Variants in NCAM2 observed in about 807,000 individuals in gnomAD.
The protein encoded by NCAM2 is neural cell adhesion molecule 2, also known as N-CAM-2.
Under a neutral mutation model 98.1 loss-of-function variants are expected in NCAM2, and 30 were observed. The ratio of observed to expected loss-of-function variants is 0.31; its 90% CI spans 0.23 to 0.41. The LOEUF (loss-of-function observed/expected upper bound fraction) is 0.41. Ranked by LOEUF, NCAM2 falls within the 10% of genes least tolerant of loss-of-function variation. The pLI is 1.00. For missense variants in NCAM2, 867 were observed against 1,005.8 expected, an observed-to-expected ratio of 0.86 and a Z score of 1.87; for synonymous variants, 368 against 342.4, an observed-to-expected ratio of 1.07 and a Z score of -0.83.
intron 15 of NCAM2, among the ~76,000 whole-genome samples, chr21:21,495,992 G>GTA (rs1250538707): frequency 5.5e-5 from 8 of 144,164 alleles, no homozygotes; most frequent in African/African-American, 1.3e-4. Context: ...ATGTGTGTGT[G>GTA]TATATATATA....
chr21:21,336,242 C>T (rs1226876529), intron 7 of NCAM2, among the ~76,000 whole-genome samples: 1 of 152,036 alleles, frequency 6.6e-6, no homozygotes, highest in Non-Finnish European at 1.5e-5. Context: ...GTGGGTGCTT[C>T]TAATAGAATT....
chr21:21,208,675 G>T (rs1421585974), intron 1 of NCAM2, among the ~76,000 whole-genome samples: 1 of 151,946 alleles, frequency 6.6e-6, no homozygotes, highest in Admixed American at 6.6e-5. Flanking sequence ...GATTATTGTA[G>T]AGGAGACCTT....
At chr21:21,453,779 A>G (rs1981702276) in intron 12 of NCAM2, among the ~76,000 whole-genome samples, 1 of 152,040 alleles carries the variant, frequency 6.6e-6, no homozygotes, top group Admixed American at 6.6e-5. Context: ...CTATTTTTGA[A>G]ATTCTCATCT....
chr21:21,178,622 C>T (rs2068370928), intron 1 of NCAM2, among the ~76,000 whole-genome samples: 1 of 151,978 alleles, frequency 6.6e-6, no homozygotes, highest in African/African-American at 2.4e-5. Context: ...TTACTAACTT[C>T]ATAGTCCAAG....
At chr21:21,015,915 G>C (rs1420028353) in intron 1 of NCAM2, among the ~76,000 whole-genome samples, 1 of 151,982 alleles carries the variant, frequency 6.6e-6, no homozygotes, top group Non-Finnish European at 1.5e-5. Flanking sequence ...CACCATGTTG[G>C]CCAGCTGGTC....
intron 1 of NCAM2, among the ~76,000 whole-genome samples, chr21:21,239,841 G>A (rs1002000697): frequency 1.8e-4 from 27 of 151,870 alleles, no homozygotes; most frequent in African/African-American, 5.8e-4. Context: ...ATTGAGGTTG[G>A]GATTCTTTTA....
chr21:21,042,584 A>G (rs567586738), intron 1 of NCAM2, among the ~76,000 whole-genome samples: 1 of 152,190 alleles, frequency 6.6e-6, no homozygotes, highest in Non-Finnish European at 1.5e-5. Flanking sequence ...TTCTTTTCAG[A>G]TATCTTAAAT....
chr21:21,284,692 G>A (rs558410586), intron 3 of NCAM2, among the ~76,000 whole-genome samples: 4 of 151,432 alleles, frequency 2.6e-5, no homozygotes, highest in Admixed American at 1.3e-4. Flanking sequence ...TTATTTAGTG[G>A]TATGATATTT....
intron 5 of NCAM2, among the ~76,000 whole-genome samples, chr21:21,314,276 C>A (rs1376816522): frequency 1.3e-5 from 2 of 152,070 alleles, no homozygotes; most frequent in South Asian, 2.1e-4. Flanking sequence ...TGAACATAGA[C>A]CTTGCTTTGA....
At chr21:21,197,993 T>C (rs552160239) in intron 1 of NCAM2, among the ~76,000 whole-genome samples, 5 of 152,314 alleles carry the variant, frequency 3.3e-5, no homozygotes, top group Admixed American at 1.3e-4. Flanking sequence ...TCTCCTCCTC[T>C]GCCAAATTAT....
intron 16 of NCAM2, among the ~76,000 whole-genome samples, chr21:21,533,896 A>G (rs564031671): frequency 9.9e-5 from 15 of 152,074 alleles, no homozygotes; most frequent in African/African-American, 3.4e-4. Context: ...TGAAGTTATA[A>G]ATGAAAAGAT....
intron 1 of NCAM2, among the ~76,000 whole-genome samples, chr21:21,202,321 G>C (rs2069255575): frequency 6.6e-6 from 1 of 151,162 alleles, no homozygotes. Flanking sequence ...ATAGTGCCTG[G>C]CACCAAATAA....
rs1208257404 is a variant in NCAM2 at position 21,126,831 on chromosome 21, A to T, written c.55+128213A>T. Among the ~76,000 whole-genome samples, 11 of 152,158 alleles carry T rather than the reference A, an allele frequency of 7.2e-5. No homozygotes were observed. The East Asian group carries it at 2.1e-3, about 29-fold the overall frequency. ...ACAGTTATACTTCTGAAACTGTCAT[A>T]CGTGTGTATTATGAAAGGTCATTGT... On this transcript the variant is annotated intron_variant, in intron 1 of 17. Transcript: ENST00000400546.
At chr21:21,132,083 C>G (rs1445951251) in intron 1 of NCAM2, among the ~76,000 whole-genome samples, 1 of 152,176 alleles carries the variant, frequency 6.6e-6, no homozygotes, top group Admixed American at 6.5e-5. Context: ...CTAATCTTTT[C>G]CAGGTTCTAG....
At chr21:21,171,792 G>A (rs1430537185) in intron 1 of NCAM2, among the ~76,000 whole-genome samples, 4 of 152,072 alleles carry the variant, frequency 2.6e-5, no homozygotes, top group African/African-American at 7.2e-5. Flanking sequence ...TAAATTTATT[G>A]TACTCGAGAA....
intron 1 of NCAM2, among the ~76,000 whole-genome samples, chr21:21,169,988 AT>A (rs2068069645): frequency 6.6e-6 from 1 of 152,058 alleles, no homozygotes; most frequent in Non-Finnish European, 1.5e-5. Flanking sequence ...CAGACAGCAA[AT>A]AAGCATATGA....
At chr21:21,317,295 A>T (rs2074250399) in intron 5 of NCAM2, among the ~76,000 whole-genome samples, 1 of 152,110 alleles carries the variant, frequency 6.6e-6, no homozygotes, top group African/African-American at 2.4e-5. Context: ...TATGAGTAGC[A>T]CCTAAGTCAA....
intron 1 of NCAM2, among the ~76,000 whole-genome samples, chr21:21,126,258 A>AAAAAAAAG (rs2066821916): frequency 1.3e-5 from 2 of 149,472 alleles, no homozygotes; most frequent in African/African-American, 4.9e-5. Context: ...AAAAAAAAAA[A>AAAAAAAAG]TCGCAGAAAA....
intron 10 of NCAM2, among the ~76,000 whole-genome samples, chr21:21,415,000 C>T (rs2076961013): frequency 6.7e-6 from 1 of 149,578 alleles, no homozygotes; most frequent in Non-Finnish European, 1.5e-5. Flanking sequence ...TTAAAATATT[C>T]AATAAACCAG....
Sources: gnomAD v4.1 joint callset for allele counts (sites outside exome capture counted in the v4.1 genomes callset) on GRCh38, gnomAD v4.1.1 for gene constraint, MANE v1.5 for transcripts, NCBI Gene and HGNC (gene_info 2026-07-23, HGNC 2026-07-21) for gene names.